LDOC1: variants seen among roughly 807,000 people sequenced by gnomAD.
The protein encoded by LDOC1 is LDOC1 regulator of NFKB signaling, also known as protein LDOC1.
LDOC1 carries 1 observed loss-of-function variant against 4.9 expected under a neutral mutation model. The observed-to-expected ratio is 0.20, with a 90% CI of 0.07 to 0.96. LDOC1 has a LOEUF of 0.96. Among genes scored for constraint, LDOC1 ranks in the 40% least tolerant of loss-of-function variants. The probability of loss-of-function intolerance (pLI) is 0.62; values close to 1 mark genes in which losing one functional copy is unlikely to be tolerated. For missense variants in LDOC1, 76 were observed against 128.1 expected (o/e 0.59, Z 1.96); for synonymous variants, 55 against 58.3 (o/e 0.94, Z 0.26).
rs782589337 is a variant in LDOC1 at position 141,176,455 on chromosome X, C to G, written c.*126G>C. On this transcript the variant is annotated 3_prime_UTR_variant, in exon 1 of 1. Coordinates refer to ENST00000370526, the MANE Select transcript of LDOC1 (RefSeq NM_012317.4). ...CGGAGAAATGAAGAGAGAGAGCAGACGGGCGCGGGTAGGTAAGGGGACCGG... is the reference window on the plus strand; with the variant it reads ...CGGAGAAATGAAGAGAGAGAGCAGAGGGGCGCGGGTAGGTAAGGGGACCGG... 4.8e-6 allele frequency: 4 copies of G among 834,114 alleles called. No homozygotes were observed. The South Asian group carries it at 1.1e-4, about 22-fold the overall frequency. 68.7% of individuals were successfully genotyped at this position (834,114 alleles called of 1,213,427 possible).
chrX:141,176,190 A>C lies in LDOC1; in HGVS notation c.*391T>G. ...GAAGTGGCAGCATAGTTCTCTGGGAAGATGTAAGCCTGGCAGCAGGGCAGG... is the reference window on the plus strand; with the variant it reads ...GAAGTGGCAGCATAGTTCTCTGGGACGATGTAAGCCTGGCAGCAGGGCAGG... On this transcript the variant is annotated 3_prime_UTR_variant, in exon 1 of 1. Transcript: ENST00000370526. 9.8e-6 allele frequency: 2 copies of C among 203,912 alleles called. No individual in the cohort carries two copies. Among genetic ancestry groups the C allele is most frequent in the Middle Eastern group, 1.8e-3 (1 of 571 alleles). The allele number at this position is 203,912 out of a possible 1,213,427, so 16.8% of individuals were successfully genotyped here.
In LDOC1 at chrX:141,176,617, TTCG is replaced by T. The variant is rs1556283475; in HGVS notation, c.402_404del (p.Asp134del). ...CCTCCTCTTCTTCGTCGTCGTCGTC[TTCG>T]TCGTCATCCCAGCCAAAGCACTGTT... is the stretch of plus-strand genomic sequence containing the variant. On this transcript the variant is annotated inframe_deletion, in exon 1 of 1. Transcript: ENST00000370526. The T allele has an allele frequency of 1.1e-5, 13 of 1,210,752 alleles. No individual in the cohort carries two copies. The highest frequency in any genetic ancestry group is 1.5e-5 in the Non-Finnish European group (13 of 894,756).
Position 141,174,728 on chromosome X carries a change from T to A in LDOC1, c.*1853A>T, listed in dbSNP as rs1387915428. Among the ~76,000 whole-genome samples the A allele has an allele frequency of 2.7e-5, 3 of 112,270 alleles. No homozygotes were observed. The highest frequency in any genetic ancestry group is 5.6e-5 in the Non-Finnish European group (3 of 53,291). On this transcript the variant is annotated 3_prime_UTR_variant, in exon 1 of 1. Coordinates refer to ENST00000370526, the MANE Select transcript of LDOC1 (RefSeq NM_012317.4). ...ATATCTCATTTAATCAACACTGAGG[T>A]TTACCAGTACAAATACAATATCTTG...
rs1220087717 is a variant in LDOC1 at position 141,175,288 on chromosome X, T to C, written c.*1293A>G. 1.8e-5 allele frequency among the ~76,000 whole-genome samples: 2 copies of C among 111,507 alleles called. No individual in the cohort carries two copies. The highest frequency in any genetic ancestry group is 3.3e-5 in the African/African-American group (1 of 30,617). On this transcript the variant is annotated 3_prime_UTR_variant, in exon 1 of 1. Transcript: ENST00000370526. ...AAAGTGACATGTTGGCTATTTGGAG[T>C]TTGAAAGTGACAATCTACTATGTTG... is the stretch of plus-strand genomic sequence containing the variant.
In LDOC1 at chrX:141,176,590, A is replaced by C. The variant is rs2013619041; in HGVS notation, c.432T>G (p.Asp144Glu). The C allele has an allele frequency of 8.3e-7, 1 of 1,206,446 alleles. No individual in the cohort carries two copies. Among genetic ancestry groups the C allele is most frequent in the African/African-American group, 1.8e-5 (1 of 56,825 alleles). Residue 144 changes from aspartate to glutamate, a missense_variant, in exon 1 of 1, where the codon GAT (aspartate) becomes GAG (glutamate). Coordinates refer to ENST00000370526, the MANE Select transcript of LDOC1 (RefSeq NM_012317.4). ...CCCGAGGGTCGAGGGCCTAATAATC[A>C]TCCTCCTCTTCTTCGTCGTCGTCGT... ...DEDDDDEEEE[D>E]DY
rs1409294913 is a variant in LDOC1, at chrX:141,176,490, G to C, written c.*91C>G. On this transcript the variant is annotated 3_prime_UTR_variant, in exon 1 of 1. Transcript: ENST00000370526. ...TAGGTAAGGGGACCGGAGGGCAAGG[G>C]GGAGAGCAGTGGCTCCTGGCGGGGT... 3 of 1,095,966 alleles carry C rather than the reference G, an allele frequency of 2.7e-6. No individual in the cohort carries two copies. The African/African-American group carries it at 5.6e-5, about 20-fold the overall frequency. 90.3% of individuals were successfully genotyped at this position (1,095,966 alleles called of 1,213,427 possible).
Position 141,176,872 on chromosome X carries a change from C to G in LDOC1, c.150G>C (p.Pro50=), listed in dbSNP as rs1556283553. 8.3e-7 allele frequency: 1 copy of G among 1,210,154 alleles called. No individual in the cohort carries two copies. Among genetic ancestry groups the G allele is most frequent in the Non-Finnish European group, 1.1e-6 (1 of 895,269 alleles). Residue 50 remains proline, a synonymous_variant, in exon 1 of 1, where the codon CCG becomes CCC. Coordinates refer to ENST00000370526, the MANE Select transcript of LDOC1 (RefSeq NM_012317.4). ...CATTAAACGTTTCGGGGAAGGGCAC[C>G]GGGCAGCTCGGCGGACGTACCTGGC... ...LLRQVRPPSC[P]VPFPETFNGE...
At position 141,175,068 on chromosome X, in the gene LDOC1, T is replaced by G. The variant is rs1397971081; in HGVS notation, c.*1513A>C. Among the ~76,000 whole-genome samples the G allele has an allele frequency of 1.8e-5, 2 of 111,789 alleles. No individual in the cohort carries two copies. Among genetic ancestry groups the G allele is most frequent in the Non-Finnish European group, 3.8e-5 (2 of 53,161 alleles). ...CAGAGATCTCAGCATAGCCCCTAGA[T>G]AGCAGTACAAGGTCTGATTTAAGAG... On this transcript the variant is annotated 3_prime_UTR_variant, in exon 1 of 1. Coordinates refer to ENST00000370526, the MANE Select transcript of LDOC1 (RefSeq NM_012317.4).
At position 141,176,794 on chromosome X, in the gene LDOC1, G is replaced by A. The variant is rs782616829; in HGVS notation, c.228C>T (p.Leu76=). The A allele has an allele frequency of 1.7e-6, 2 of 1,212,026 alleles. No individual in the cohort carries two copies. The highest frequency in any genetic ancestry group is 2.2e-6 in the Non-Finnish European group (2 of 895,569). ...CGTTGCAGAATCGGTTCTCGTTCAC[G>A]AGCATGTAAGACGCCGTCTGCACGA... ...EFIVQTASYM[L]VNENRFCNDA... Residue 76 remains leucine (L), a synonymous_variant, in exon 1 of 1, where the codon CTC becomes CTT. Transcript: ENST00000370526.
In LDOC1 at chrX:141,175,435, T is replaced by A. The variant is rs2013605651; in HGVS notation, c.*1146A>T. ...GAATTAGGAGCATTACATATATATG[T>A]CCAGGTTTACGCCTATTGTTATGGT... On this transcript the variant is annotated 3_prime_UTR_variant, in exon 1 of 1. Transcript: ENST00000370526. Among the ~76,000 whole-genome samples the A allele has an allele frequency of 8.9e-6, 1 of 112,176 alleles. No homozygotes were observed. The highest frequency in any genetic ancestry group is 9.4e-5 in the Admixed American group (1 of 10,599).
In LDOC1 at chrX:141,175,295, G is replaced by A. The variant is rs1451522119; in HGVS notation, c.*1286C>T. Among the ~76,000 whole-genome samples, 1 of 112,069 alleles carries A rather than the reference G, an allele frequency of 8.9e-6. No homozygotes were observed. The highest frequency in any genetic ancestry group is 1.9e-5 in the Non-Finnish European group (1 of 53,278). On this transcript the variant is annotated 3_prime_UTR_variant, in exon 1 of 1. Coordinates refer to ENST00000370526, the MANE Select transcript of LDOC1 (RefSeq NM_012317.4). ...CATGTTGGCTATTTGGAGTTTGAAA[G>A]TGACAATCTACTATGTTGGCTCTCT...
Position 141,177,030 on chromosome X carries a change from G to A in LDOC1, c.-9C>T. 1 of 1,188,861 alleles carries A rather than the reference G, an allele frequency of 8.4e-7. No individual in the cohort carries two copies. The highest frequency in any genetic ancestry group is 1.1e-6 in the Non-Finnish European group (1 of 881,307). On this transcript the variant is annotated 5_prime_UTR_variant, in exon 1 of 1. Transcript: ENST00000370526. ...ACCAACTCATCCACCATTGCGAACG[G>A]CCTGGAAGGACAGGACTCGGCTCGG... is the stretch of plus-strand genomic sequence containing the variant.
In LDOC1 at chrX:141,175,356, G is replaced by A. The variant is rs1008233792; in HGVS notation, c.*1225C>T. ...CTCAACAGCTGCACATAGGCAATAA[G>A]GATTAAGGGGCAGAACTTCCCTGGC... On this transcript the variant is annotated 3_prime_UTR_variant, in exon 1 of 1. Coordinates refer to ENST00000370526, the MANE Select transcript of LDOC1 (RefSeq NM_012317.4). Among the ~76,000 whole-genome samples, 1 of 112,162 alleles carries A rather than the reference G, an allele frequency of 8.9e-6. No homozygotes were observed. The highest frequency in any genetic ancestry group is 3.2e-5 in the African/African-American group (1 of 30,825).
Position 141,176,567 on chromosome X carries a change from C to T in LDOC1, c.*14G>A. The T allele has an allele frequency of 8.4e-7, 1 of 1,192,171 alleles. No homozygotes were observed. The highest frequency in any genetic ancestry group is 1.7e-5 in the African/African-American group (1 of 57,165). Reference sequence around the variant, plus strand: ...GTGCAGGGCCCTCCCCCCCGAGGCCCGAGGGTCGAGGGCCTAATAATCATC... The same window carrying T: ...GTGCAGGGCCCTCCCCCCCGAGGCCTGAGGGTCGAGGGCCTAATAATCATC... On this transcript the variant is annotated 3_prime_UTR_variant, in exon 1 of 1. Transcript: ENST00000370526.
At position 141,173,560 on chromosome X, in the gene LDOC1, C is replaced by T. The variant is rs925812520; in HGVS notation, c.*3021G>A. 9.0e-6 allele frequency: 1 copy of T among 111,488 alleles called. No homozygotes were observed. The highest frequency in any genetic ancestry group is 1.9e-5 in the Non-Finnish European group (1 of 53,176). 9.2% of individuals were successfully genotyped at this position (111,488 alleles called of 1,213,427 possible). On this transcript the variant is annotated 3_prime_UTR_variant, in exon 1 of 1. Coordinates refer to ENST00000370526, the MANE Select transcript of LDOC1 (RefSeq NM_012317.4). Reference sequence around the variant, plus strand: ...ATCTGCCCCCAAAGTAACCAGAATCCCTTTTCTGCATCTCACAGCATAACC... The same window carrying T: ...ATCTGCCCCCAAAGTAACCAGAATCTCTTTTCTGCATCTCACAGCATAACC...
In LDOC1 at chrX:141,176,638, G is replaced by A. The variant is rs1556283486; in HGVS notation, c.384C>T (p.Cys128=). The A allele has an allele frequency of 2.5e-6, 3 of 1,211,649 alleles. No individual in the cohort carries two copies. Among genetic ancestry groups the A allele is most frequent in the Non-Finnish European group, 1.1e-6 (1 of 895,363 alleles). The change falls in exon 1 of 1, where the codon TGC becomes TGT. Residue 128 remains cysteine, a synonymous_variant. Coordinates refer to ENST00000370526, the MANE Select transcript of LDOC1 (RefSeq NM_012317.4). ...YRAFLDEMKQ[C]FGWDDDEDDD... The stretch of plus-strand genomic sequence containing the variant: ...CGTCTTCGTCGTCATCCCAGCCAAA[G>A]CACTGTTTCATCTCATCGAGGAAGG...
rs782678233 is a variant in LDOC1, at chrX:141,176,478, C to T, written c.*103G>A. On this transcript the variant is annotated 3_prime_UTR_variant, in exon 1 of 1. Coordinates refer to ENST00000370526, the MANE Select transcript of LDOC1 (RefSeq NM_012317.4). ...GACGGGCGCGGGTAGGTAAGGGGAC[C>T]GGAGGGCAAGGGGGAGAGCAGTGGC... 8.6e-6 allele frequency: 9 copies of T among 1,040,943 alleles called. No individual in the cohort carries two copies. The East Asian group carries it at 1.7e-4, about 19-fold the overall frequency. 85.8% of individuals were successfully genotyped at this position (1,040,943 alleles called of 1,213,427 possible).
rs2013589709 is a variant in LDOC1 at position 141,173,469 on chromosome X, T to C, written c.*3112A>G. The C allele has an allele frequency of 8.9e-6, 1 of 111,818 alleles. No individual in the cohort carries two copies. Among genetic ancestry groups the C allele is most frequent in the African/African-American group, 3.3e-5 (1 of 30,753 alleles). The allele number at this position is 111,818 out of a possible 1,213,427, so 9.2% of individuals were successfully genotyped here. A position where few individuals can be genotyped will look rare whatever the true frequency, so the allele number is the denominator to read the frequency against. Reference sequence around the variant, plus strand: ...CTTCCTTCTTTTTTGCCATGCTTTATGCCATTATCATGAATTCCTCCCTGG... The same window carrying C: ...CTTCCTTCTTTTTTGCCATGCTTTACGCCATTATCATGAATTCCTCCCTGG... On this transcript the variant is annotated 3_prime_UTR_variant, in exon 1 of 1. Transcript: ENST00000370526.
rs1299979518 is a variant in LDOC1 at position 141,174,713 on chromosome X, T to A, written c.*1868A>T. Among the ~76,000 whole-genome samples the A allele has an allele frequency of 8.9e-6, 1 of 112,515 alleles. No homozygotes were observed. The highest frequency in any genetic ancestry group is 3.2e-5 in the African/African-American group (1 of 30,938). Reference sequence around the variant, plus strand: ...TTAATATGAAGACCCATATCTCATTTAATCAACACTGAGGTTTACCAGTAC... The same window carrying A: ...TTAATATGAAGACCCATATCTCATTAAATCAACACTGAGGTTTACCAGTAC... On this transcript the variant is annotated 3_prime_UTR_variant, in exon 1 of 1. Coordinates refer to ENST00000370526, the MANE Select transcript of LDOC1 (RefSeq NM_012317.4).
Sources: gnomAD v4.1 joint callset for allele counts (sites outside exome capture counted in the v4.1 genomes callset) on GRCh38, gnomAD v4.1.1 for gene constraint, MANE v1.5 for transcripts, NCBI Gene and HGNC (gene_info 2026-07-23, HGNC 2026-07-21) for gene names.